Variants in PUM2 observed in about 807,000 individuals in gnomAD.
PUM2 encodes the protein pumilio homolog 2.
Under a neutral mutation model 124.5 loss-of-function variants are expected in PUM2, and 57 were observed. The observed-to-expected ratio is 0.46, with a 90% confidence interval of 0.37 to 0.57. The LOEUF is 0.57. Ranked by LOEUF, PUM2 falls within the 20% of genes least tolerant of loss-of-function variation. The pLI, the probability that PUM2 is intolerant of heterozygous loss-of-function variation, is 0.00. For missense variants in PUM2, 1,065 were observed against 1,290.6 expected, an observed-to-expected ratio of 0.83 and a Z score of 2.68; for synonymous variants, 460 against 446.1, an observed-to-expected ratio of 1.03 and a Z score of -0.39.
At chr2:20,342,303 C>CA (rs1687385720) in intron 1 of PUM2, among the ~76,000 whole-genome samples, 1 of 152,144 alleles carries the variant, frequency 6.6e-6, no homozygotes, top group Admixed American at 6.6e-5. Context: ...TTCACCAACT[C>CA]AGTGTTCTCA....
rs1671961141 is a variant in PUM2 at position 20,283,215 on chromosome 2, A to T, written c.1452T>A (p.Ala484=). 1 of 1,612,314 alleles carries T rather than the reference A, an allele frequency of 6.2e-7. No homozygotes were observed. Among genetic ancestry groups the T allele is most frequent in the African/African-American group, 1.3e-5 (1 of 74,990 alleles). ...AAAQAAAAAA[A]GGTASSLTGS... Reference sequence around the variant, plus strand: ...CTGTAAGGCTACTTGCAGTTCCTCCAGCTGCTGCTGCTGCTGCTGTAAAAT... The same window carrying T: ...CTGTAAGGCTACTTGCAGTTCCTCCTGCTGCTGCTGCTGCTGCTGTAAAAT... Residue 484 remains alanine, a synonymous_variant, in exon 12 of 21, where the codon GCT becomes GCA. Coordinates refer to ENST00000361078, the MANE Select transcript of PUM2 (RefSeq NM_015317.5).
intron 13 of PUM2, among the ~76,000 whole-genome samples, chr2:20,276,278 A>C (rs1670248535): frequency 6.7e-6 from 1 of 150,336 alleles, no homozygotes; most frequent in Admixed American, 6.6e-5. Flanking sequence ...TTTTTTTGAA[A>C]GACAGCACAG....
chr2:20,331,441 C>T (rs922099503), intron 1 of PUM2, among the ~76,000 whole-genome samples: 5 of 152,096 alleles, frequency 3.3e-5, no homozygotes, highest in African/African-American at 7.2e-5. Flanking sequence ...ACAAGACCAA[C>T]CTCAGATTTC....
At position 20,311,537 on chromosome 2, in the gene PUM2, TG is replaced by T; in HGVS notation, c.474del (p.Arg159GlufsTer28). The T allele has an allele frequency of 6.2e-7, 1 of 1,612,646 alleles. No homozygotes were observed. On this transcript the variant is annotated frameshift_variant, in exon 5 of 21. Transcript: ENST00000361078. LOFTEE classifies it high-confidence loss of function. ...GCATCCATTCCATTTGGCAAACCTC[TG>T]CCATTTATTTTAGAATCATCATCAT... ...QGDDDDSKIN[G>X]RGLPNGMDAD...
At chr2:20,280,370 G>A (rs1671229040) in intron 12 of PUM2, among the ~76,000 whole-genome samples, 1 of 152,084 alleles carries the variant, frequency 6.6e-6, no homozygotes, top group African/African-American at 2.4e-5. Flanking sequence ...TGAATTATAA[G>A]CACATGTAAT....
intron 13 of PUM2, 59 bp downstream of exon 13, chr2:20,278,524 C>T: frequency 7.5e-7 from 1 of 1,335,574 alleles, no homozygotes; most frequent in Admixed American, 2.1e-5. Context: ...TATAAACACA[C>T]ACACAAACAC....
At chr2:20,290,080 T>C (rs1483342978) in intron 10 of PUM2, among the ~76,000 whole-genome samples, 1 of 152,230 alleles carries the variant, frequency 6.6e-6, no homozygotes, top group Non-Finnish European at 1.5e-5. Flanking sequence ...AAGTACTTTG[T>C]TGCCCTTTCC....
At chr2:20,272,057 G>C (rs1421945787) in intron 13 of PUM2, among the ~76,000 whole-genome samples, 1 of 152,140 alleles carries the variant, frequency 6.6e-6, no homozygotes, top group Non-Finnish European at 1.5e-5. Context: ...TACTCAGGAG[G>C]CTGAGGCAGG....
At chr2:20,319,710 T>G (rs2148734631) in intron 2 of PUM2, among the ~76,000 whole-genome samples, 1 of 152,122 alleles carries the variant, frequency 6.6e-6, no homozygotes, top group African/African-American at 2.4e-5. Context: ...TAGAATAGGG[T>G]GTAAGATGAA....
intron 2 of PUM2, among the ~76,000 whole-genome samples, chr2:20,322,063 A>C (rs1350031873): frequency 6.6e-6 from 1 of 152,162 alleles, no homozygotes; most frequent in Admixed American, 6.5e-5. Flanking sequence ...GTTATGGAAA[A>C]CCCCTAAACC....
intron 1 of PUM2, among the ~76,000 whole-genome samples, chr2:20,331,110 G>C (rs1016732457): frequency 8.6e-5 from 13 of 150,472 alleles, no homozygotes; most frequent in African/African-American, 3.2e-4. Flanking sequence ...ACGTGGTTTG[G>C]TTCAGACAAC....
At chr2:20,287,521 T>C (rs1572720453) in intron 10 of PUM2, among the ~76,000 whole-genome samples, 1 of 152,098 alleles carries the variant, frequency 6.6e-6, no homozygotes, top group African/African-American at 2.4e-5. Context: ...AAAAAGAACA[T>C]GAGCTAGGAC....
At chr2:20,347,793 C>T (rs1054007888) in intron 1 of PUM2, among the ~76,000 whole-genome samples, 2 of 152,164 alleles carry the variant, frequency 1.3e-5, no homozygotes, top group Admixed American at 1.3e-4. Flanking sequence ...ATTATTCTAA[C>T]CCAGTCACAA....
intron 1 of PUM2, among the ~76,000 whole-genome samples, chr2:20,330,472 G>A (rs926431545): frequency 3.9e-5 from 6 of 152,236 alleles, no homozygotes; most frequent in East Asian, 3.9e-4. Context: ...AGTTGATCAC[G>A]AAGATTTTAA....
intron 1 of PUM2, among the ~76,000 whole-genome samples, chr2:20,332,280 A>AGAGT: frequency 8.4e-6 from 1 of 118,946 alleles, no homozygotes; most frequent in Admixed American, 8.3e-5. Context: ...TTATACTACT[A>AGAGT]GAGTGTGTGT....
chr2:20,286,968 T>G (rs912084208), intron 10 of PUM2, among the ~76,000 whole-genome samples: 2 of 151,606 alleles, frequency 1.3e-5, no homozygotes, highest in Non-Finnish European at 2.9e-5. Flanking sequence ...ACTGGTTAGA[T>G]GAATGTATGA....
chr2:20,313,577 C>T (rs1182636633), intron 3 of PUM2, among the ~76,000 whole-genome samples: 1 of 152,090 alleles, frequency 6.6e-6, no homozygotes, highest in Admixed American at 6.6e-5. Context: ...CTCATACGTG[C>T]TATCCCAGCA....
At chr2:20,323,309 G>A (rs1013704024) in intron 2 of PUM2, among the ~76,000 whole-genome samples, 2 of 151,986 alleles carry the variant, frequency 1.3e-5, no homozygotes, top group Non-Finnish European at 2.9e-5. Flanking sequence ...TTAGCCAGGC[G>A]TAGTGGCACA....
At chr2:20,279,961 AT>A (rs1412014391) in intron 12 of PUM2, among the ~76,000 whole-genome samples, 1 of 152,148 alleles carries the variant, frequency 6.6e-6, no homozygotes, top group Admixed American at 6.6e-5. Context: ...TGCCAAATAC[AT>A]TTTTAAATGA....
Sources: gnomAD v4.1 joint callset for allele counts (sites outside exome capture counted in the v4.1 genomes callset) on GRCh38, gnomAD v4.1.1 for gene constraint, MANE v1.5 for transcripts, NCBI Gene and HGNC (gene_info 2026-07-23, HGNC 2026-07-21) for gene names.